PTPRQ: variants seen among roughly 807,000 people sequenced by gnomAD.
PTPRQ encodes the protein phosphatidylinositol phosphatase PTPRQ.
PTPRQ carries 199 observed loss-of-function variants against 246.0 expected under a neutral mutation model. The ratio of observed to expected loss-of-function variants is 0.81; its 90% CI spans 0.72 to 0.91. PTPRQ has a LOEUF of 0.91. Among genes scored for constraint, PTPRQ ranks in the 40% least tolerant of loss-of-function variants. PTPRQ has a pLI of 0.00. For missense variants in PTPRQ, 2,624 were observed against 2,528.4 expected, an observed-to-expected ratio of 1.04 and a Z score of -0.81; for synonymous variants, 869 against 853.2, an observed-to-expected ratio of 1.02 and a Z score of -0.32.
chr12:80,470,676 T>C (rs1893596105), intron 7 of PTPRQ, among the ~76,000 whole-genome samples: 1 of 152,134 alleles, frequency 6.6e-6, no homozygotes, highest in Non-Finnish European at 1.5e-5. Context: ...GTGATTATAA[T>C]TGAAACTGAC....
At chr12:80,657,252 C>T (rs1237886813) in intron 38 of PTPRQ, among the ~76,000 whole-genome samples, 1 of 151,742 alleles carries the variant, frequency 6.6e-6, no homozygotes, top group African/African-American at 2.4e-5. Flanking sequence ...GAAAGAAGCT[C>T]AGTTTCACTT....
chr12:80,603,353 C>A (rs1259199105), intron 26 of PTPRQ, among the ~76,000 whole-genome samples: 1 of 151,586 alleles, frequency 6.6e-6, no homozygotes, highest in Non-Finnish European at 1.5e-5. Context: ...AAAAATAATT[C>A]TTTTCTCAAA....
intron 39 of PTPRQ, among the ~76,000 whole-genome samples, chr12:80,661,557 A>G (rs1054109375): frequency 6.6e-6 from 1 of 151,638 alleles, no homozygotes; most frequent in Non-Finnish European, 1.5e-5. Context: ...ACATACACAC[A>G]TATACTTATA....
At chr12:80,542,510 T>C in intron 22 of PTPRQ, 146 bp downstream of exon 22, 1 of 1,334,610 alleles carries the variant, frequency 7.5e-7, no homozygotes, top group Non-Finnish European at 9.8e-7. Context: ...TGATTTTTTT[T>C]TGCAATTTGA....
chr12:80,544,598 T>C (rs566834029), intron 23 of PTPRQ, among the ~76,000 whole-genome samples: 1 of 152,230 alleles, frequency 6.6e-6, no homozygotes, highest in East Asian at 1.9e-4. Flanking sequence ...TTTCATCAAT[T>C]TTCATAATCT....
chr12:80,504,997 A>T (rs1407768806), intron 14 of PTPRQ, among the ~76,000 whole-genome samples: 3 of 151,920 alleles, frequency 2.0e-5, no homozygotes, highest in Admixed American at 6.6e-5. Flanking sequence ...TACATGCAGA[A>T]GAATCTGAAG....
rs1002953805 is a variant in PTPRQ, at chr12:80,542,739, C to G, written c.3731C>G (p.Ala1244Gly). The change falls in exon 23 of 45, where the codon GCA (alanine) becomes GGA (glycine). Residue 1244 changes from alanine to glycine, a missense_variant. Physicochemically the swap from Ala to Gly is moderately conservative, Grantham distance 60. Transcript: ENST00000644991. ...FFYTDESVPL[A>G]PPQNLTLINC... The stretch of plus-strand genomic sequence containing the variant: ...ATGTGTTTTCCTACAGTGCCGTTAG[C>G]ACCTCCACAAAATTTGACTTTAATC... 1.3e-6 allele frequency: 2 copies of G among 1,543,166 alleles called. No homozygotes were observed. The highest frequency in any genetic ancestry group is 1.7e-6 in the Non-Finnish European group (2 of 1,144,168).
chr12:80,541,008 T>C (rs1366455217), intron 20 of PTPRQ, among the ~76,000 whole-genome samples: 1 of 152,098 alleles, frequency 6.6e-6, no homozygotes, highest in Admixed American at 6.6e-5. Flanking sequence ...GTAAGTAGAG[T>C]AACTTTGTAA....
In PTPRQ at chr12:80,542,232, T is replaced by G. The variant is rs929927744; in HGVS notation, c.3589T>G (p.Phe1197Val). 60 of 1,550,840 alleles carry G rather than the reference T, an allele frequency of 3.9e-5. No individual in the cohort carries two copies. Among genetic ancestry groups the G allele is most frequent in the Non-Finnish European group, 4.8e-5 (55 of 1,146,526 alleles). The change falls in exon 22 of 45, where the codon TTC becomes GTC. Residue 1197 changes from phenylalanine (F) to valine (V), a missense_variant. Coordinates refer to ENST00000644991, the MANE Select transcript of PTPRQ (RefSeq NM_001145026.2). ...TLQGPNENYS[F>V]ITSDNYIILE... The stretch of plus-strand genomic sequence containing the variant: ...ACAAGGACCAAATGAAAATTATTCT[T>G]TCATTACTTCTGATAATTACATAAT...
intron 39 of PTPRQ, among the ~76,000 whole-genome samples, chr12:80,664,671 T>G (rs1191353043): frequency 6.6e-6 from 1 of 152,034 alleles, no homozygotes; most frequent in Non-Finnish European, 1.5e-5. Flanking sequence ...TTCAATTCCC[T>G]TCTCTTATTT....
chr12:80,618,469 G>T (rs1411165536), intron 30 of PTPRQ, among the ~76,000 whole-genome samples: 1 of 150,664 alleles, frequency 6.6e-6, no homozygotes, highest in South Asian at 2.1e-4. Flanking sequence ...ATATTTGTAT[G>T]CATTGATGAC....
chr12:80,609,386 G>C (rs117842547), intron 27 of PTPRQ, among the ~76,000 whole-genome samples: 1 of 150,516 alleles, frequency 6.6e-6, no homozygotes. Context: ...ATAAGGGAAG[G>C]TCAAGTTGAA....
chr12:80,671,786 C>A (rs1196740500), intron 42 of PTPRQ, among the ~76,000 whole-genome samples: 1 of 152,024 alleles, frequency 6.6e-6, no homozygotes, highest in Non-Finnish European at 1.5e-5. Flanking sequence ...GCAAGTTTTT[C>A]TGTTTGAGCC....
chr12:80,578,061 A>AT (rs1897321874), intron 25 of PTPRQ, among the ~76,000 whole-genome samples: 3 of 150,886 alleles, frequency 2.0e-5, no homozygotes, highest in African/African-American at 4.9e-5. Context: ...TTTTTTTTGG[A>AT]TTTTTTTAAT....
intron 3 of PTPRQ, among the ~76,000 whole-genome samples, chr12:80,451,279 A>G (rs1478619972): frequency 7.4e-6 from 1 of 135,444 alleles, no homozygotes; most frequent in African/African-American, 2.8e-5. Flanking sequence ...TTTCTTCTTT[A>G]TTAGTCTTGC....
At chr12:80,490,813 C>T (rs1325329491) in intron 9 of PTPRQ, among the ~76,000 whole-genome samples, 1 of 151,916 alleles carries the variant, frequency 6.6e-6, no homozygotes, top group Non-Finnish European at 1.5e-5. Flanking sequence ...CTTCTCTCTG[C>T]CCCTTCCCAC....
chr12:80,471,053 G>A (rs529023679), intron 7 of PTPRQ, among the ~76,000 whole-genome samples: 6,557 of 145,616 alleles, frequency 0.045, 193 homozygotes, highest in Middle Eastern at 0.06. Flanking sequence ...GCTAGACCAT[G>A]AAAGTAAATG....
intron 27 of PTPRQ, among the ~76,000 whole-genome samples, chr12:80,609,411 T>C (rs1274248364): frequency 6.6e-6 from 1 of 150,628 alleles, no homozygotes; most frequent in Middle Eastern, 3.2e-3. Flanking sequence ...GACTTAATAG[T>C]GTTCACTGTG....
At chr12:80,607,722 C>T (rs961257644) in intron 27 of PTPRQ, among the ~76,000 whole-genome samples, 13 of 150,708 alleles carry the variant, frequency 8.6e-5, no homozygotes, top group Non-Finnish European at 1.8e-4. Context: ...CTAGCCACAC[C>T]GATAAAACTC....
Sources: allele counts gnomAD v4.1 joint callset (sites outside exome capture counted in the v4.1 genomes callset), GRCh38; gene constraint gnomAD v4.1.1; transcripts MANE v1.5; gene names NCBI Gene and HGNC (gene_info 2026-07-23, HGNC 2026-07-21).